Variants in PROSER2 observed in about 807,000 individuals in gnomAD.
PROSER2 encodes the protein proline and serine rich 2, also known as proline and serine-rich protein 2.
Under a neutral mutation model 14.6 loss-of-function variants are expected in PROSER2, and 18 were observed. That is an observed-to-expected ratio of 1.23 (90% confidence interval 0.85 to 1.83). PROSER2 has a LOEUF of 1.83. PROSER2 is among the 40% of genes most tolerant of loss of function. The pLI is 0.00. For synonymous variants in PROSER2, 367 were observed against 286.4 expected (o/e 1.28, Z -2.84); for missense variants, 823 against 629.8 (o/e 1.31, Z -3.28).
In PROSER2 at chr10:11,870,587, G is replaced by T; in HGVS notation, c.*181G>T. ...CCTCCTGGCTGAGCACGCACCGCAA[G>T]CTCCAGCCACCGGCACAGAGAACTC... On this transcript the variant is annotated 3_prime_UTR_variant, in exon 4 of 4. Transcript: ENST00000277570. 1 of 493,274 alleles carries T rather than the reference G, an allele frequency of 2.0e-6. No individual in the cohort carries two copies. Among genetic ancestry groups the T allele is most frequent in the Non-Finnish European group, 3.6e-6 (1 of 278,478 alleles). 30.6% of individuals were successfully genotyped at this position (493,274 alleles called of 1,614,324 possible).
At chr10:11,843,023 T>C (rs75559496) in intron 1 of PROSER2, among the ~76,000 whole-genome samples, 329 of 141,198 alleles carry the variant, frequency 2.3e-3, no homozygotes, top group Middle Eastern at 3.9e-3. Context: ...TCACTGCAAG[T>C]TCCGCCTCCT....
intron 1 of PROSER2, among the ~76,000 whole-genome samples, chr10:11,825,930 G>A (rs150345573): frequency 1.9e-4 from 29 of 152,276 alleles, no homozygotes; most frequent in Middle Eastern, 3.4e-3. Context: ...CAAATCAGTG[G>A]CATTAAGTAC....
chr10:11,871,203 C>T lies in PROSER2; in HGVS notation c.*797C>T, dbSNP rs1834483740. On this transcript the variant is annotated 3_prime_UTR_variant, in exon 4 of 4. Coordinates refer to ENST00000277570, the MANE Select transcript of PROSER2 (RefSeq NM_153256.4). ...TTATATAAATAGAAACTTCTGAACA[C>T]CCTCCTAAGTCACTACAGGATGCCA... 1 of 152,162 alleles carries T rather than the reference C, an allele frequency of 6.6e-6. No homozygotes were observed. Among genetic ancestry groups the T allele is most frequent in the African/African-American group, 2.4e-5 (1 of 41,424 alleles). The allele number at this position is 152,162 out of a possible 1,614,324, so 9.4% of individuals were successfully genotyped here.
chr10:11,824,690 A>T (rs1833586644), intron 1 of PROSER2, among the ~76,000 whole-genome samples: 1 of 152,212 alleles, frequency 6.6e-6, no homozygotes, highest in South Asian at 2.1e-4. Flanking sequence ...TCTTGTCCAG[A>T]CTAGTAATAG....
Position 11,855,289 on chromosome 10 carries a change from C to T in PROSER2, c.138+3074C>T, listed in dbSNP as rs1037363281. ...GAGATTGAGACCATCCTGGCTAAGA[C>T]GGTGAAACCCCGTCTCTACTAAAAA... is the stretch of plus-strand genomic sequence containing the variant. On this transcript the variant is annotated intron_variant, in intron 2 of 3. Transcript: ENST00000277570. Among the ~76,000 whole-genome samples, 9 of 151,442 alleles carry T rather than the reference C, an allele frequency of 5.9e-5. No individual in the cohort carries two copies. In the East Asian group the frequency reaches 7.8e-4, roughly 13 times the overall value.
At chr10:11,846,635 C>T (rs1387025847) in intron 1 of PROSER2, among the ~76,000 whole-genome samples, 1 of 152,176 alleles carries the variant, frequency 6.6e-6, no homozygotes, top group East Asian at 1.9e-4. Flanking sequence ...TCGCTGGAAG[C>T]AGGGAGTCAC....
At chr10:11,857,803 G>A (rs144800415) in intron 2 of PROSER2, among the ~76,000 whole-genome samples, 1 of 150,648 alleles carries the variant, frequency 6.6e-6, no homozygotes, top group African/African-American at 2.4e-5. Context: ...ACTGTGCCGC[G>A]CCCACTTCGG....
intron 1 of PROSER2, among the ~76,000 whole-genome samples, chr10:11,829,211 T>C (rs2131044735): frequency 6.6e-6 from 1 of 151,590 alleles, no homozygotes; most frequent in Admixed American, 6.6e-5. Context: ...AAGGAGGATA[T>C]AAGATGGTAT....
intron 3 of PROSER2, among the ~76,000 whole-genome samples, chr10:11,867,730 C>T (rs1430334433): frequency 6.6e-6 from 1 of 152,234 alleles, no homozygotes; most frequent in East Asian, 1.9e-4. Flanking sequence ...TTCACTCGCT[C>T]ACCACTCACG....
intron 2 of PROSER2, among the ~76,000 whole-genome samples, chr10:11,863,288 G>GT (rs1252363481): frequency 6.6e-6 from 1 of 152,184 alleles, no homozygotes; most frequent in Non-Finnish European, 1.5e-5. Context: ...GATGCTTTGG[G>GT]TAGGTGGGCA....
chr10:11,852,257 C>T, intron 2 of PROSER2, 42 bp downstream of exon 2: 1 of 1,557,386 alleles, frequency 6.4e-7, no homozygotes, highest in Non-Finnish European at 8.7e-7. Flanking sequence ...GTGCCTGGGT[C>T]AGTGGATTTT....
At chr10:11,841,335 C>A (rs1225277738) in intron 1 of PROSER2, among the ~76,000 whole-genome samples, 1 of 151,950 alleles carries the variant, frequency 6.6e-6, no homozygotes, top group Admixed American at 6.6e-5. Context: ...TCCATTTTTC[C>A]CCTCAGTTCT....
In PROSER2 at chr10:11,866,860, C is replaced by T; in HGVS notation, c.391+77C>T. ...GACCCAGAGATACTTCTTTTGTGTT[C>T]CCCTGTGTTTGCCAGTAGAAGTTGT... On this transcript the variant is annotated intron_variant, in intron 3 of 3. Transcript: ENST00000277570. The surrounding 1 kb of genome is among the most constrained non-coding windows in gnomAD (Gnocchi z 6.0). 6.7e-7 allele frequency: 1 copy of T among 1,499,912 alleles called. No homozygotes were observed. The highest frequency in any genetic ancestry group is 1.4e-5 in the African/African-American group (1 of 72,248). 92.9% of individuals were successfully genotyped at this position (1,499,912 alleles called of 1,614,324 possible). A position where few individuals can be genotyped will look rare whatever the true frequency, so the allele number is the denominator to read the frequency against.
intron 1 of PROSER2, among the ~76,000 whole-genome samples, chr10:11,848,999 C>T (rs561738725): frequency 3.3e-5 from 5 of 152,078 alleles, no homozygotes; most frequent in East Asian, 1.9e-4. Context: ...CCATCCTGGC[C>T]AACATGGTGA....
Position 11,871,110 on chromosome 10 carries a change from A to G in PROSER2, c.*704A>G, listed in dbSNP as rs1340670976. On this transcript the variant is annotated 3_prime_UTR_variant, in exon 4 of 4. Transcript: ENST00000277570. Reference sequence around the variant, plus strand: ...TGCGTGAGCCTGTGTTTGTGTGTGTATGTTTTTAGATACGTACGTGTCAAC... The same window carrying G: ...TGCGTGAGCCTGTGTTTGTGTGTGTGTGTTTTTAGATACGTACGTGTCAAC... The G allele has an allele frequency of 6.6e-6, 1 of 152,202 alleles. No individual in the cohort carries two copies. The highest frequency in any genetic ancestry group is 1.5e-5 in the Non-Finnish European group (1 of 68,046). 9.4% of individuals were successfully genotyped at this position (152,202 alleles called of 1,614,324 possible). A position where few individuals can be genotyped will look rare whatever the true frequency, so the allele number is the denominator to read the frequency against.
chr10:11,860,961 C>T (rs1439972010), intron 2 of PROSER2, among the ~76,000 whole-genome samples: 1 of 152,080 alleles, frequency 6.6e-6, no homozygotes, highest in Non-Finnish European at 1.5e-5. Context: ...CAAAAATTAA[C>T]CGGGCGTGGT....
chr10:11,872,007 G>A lies in PROSER2; in HGVS notation c.*1601G>A, dbSNP rs1588504502. ...TTTAATTTTACAGCTTTCAAAAGTA[G>A]TTACTGTAAATTTTACTCCTGTTAA... On this transcript the variant is annotated 3_prime_UTR_variant, in exon 4 of 4. Transcript: ENST00000277570. 1 of 152,314 alleles carries A rather than the reference G, an allele frequency of 6.6e-6. No homozygotes were observed. The highest frequency in any genetic ancestry group is 2.4e-5 in the African/African-American group (1 of 41,570). 9.4% of individuals were successfully genotyped at this position (152,314 alleles called of 1,614,324 possible).
Position 11,861,670 on chromosome 10 carries a change from C to T in PROSER2, c.139-4861C>T, listed in dbSNP as rs144774981. On this transcript the variant is annotated intron_variant, in intron 2 of 3. Transcript: ENST00000277570. ...CTGTGGCCCGTAGCTGCCCCCACTC[C>T]GTGCTTTTGTAAATACAGTTCAGTG... Among the ~76,000 whole-genome samples, 332 of 152,290 alleles carry T rather than the reference C, an allele frequency of 2.2e-3. 1 individual carries two copies. Among genetic ancestry groups the T allele is most frequent in the Admixed American group, 3.9e-3 (59 of 15,302 alleles).
intron 1 of PROSER2, among the ~76,000 whole-genome samples, chr10:11,832,395 A>C (rs901403020): frequency 6.6e-6 from 1 of 152,132 alleles, no homozygotes; most frequent in Non-Finnish European, 1.5e-5. Context: ...CTTCATATTT[A>C]TTTTACTGCA....
Sources: allele counts gnomAD v4.1 joint callset (sites outside exome capture counted in the v4.1 genomes callset), GRCh38; gene constraint gnomAD v4.1.1; non-coding constraint Gnocchi (gnomAD v3.1); transcripts MANE v1.5; gene names NCBI Gene and HGNC (gene_info 2026-07-23, HGNC 2026-07-21).